The following RASGRP3 variants were observed in gnomAD, a reference collection of about 807,000 sequenced individuals.
The protein encoded by RASGRP3 is ras guanyl-releasing protein 3.
In RASGRP3, 54 loss-of-function variants were observed where a neutral mutation model predicts 82.7. That is an observed-to-expected ratio of 0.65 (90% confidence interval 0.52 to 0.82). The LOEUF is 0.82. Among genes scored for constraint, RASGRP3 ranks in the 40% least tolerant of loss-of-function variants. The probability of loss-of-function intolerance (pLI) is 0.00; values close to 1 mark genes in which losing one functional copy is unlikely to be tolerated. For synonymous variants in RASGRP3, 309 were observed against 300.5 expected, an observed-to-expected ratio of 1.03 and a Z score of -0.29; for missense variants, 861 against 828.9, an observed-to-expected ratio of 1.04 and a Z score of -0.48.
chr2:33,560,841 C>T (rs1005686386), intron 17 of RASGRP3, among the ~76,000 whole-genome samples: 2 of 152,202 alleles, frequency 1.3e-5, no homozygotes, highest in Non-Finnish European at 2.9e-5. Flanking sequence ...TACTATTGGC[C>T]TCTCACAGTT....
intron 1 of RASGRP3, among the ~76,000 whole-genome samples, chr2:33,488,193 C>G (rs1668556679): frequency 6.6e-6 from 1 of 152,182 alleles, no homozygotes; most frequent in African/African-American, 2.4e-5. Context: ...TACAAAACAG[C>G]CTTTGAGTAA....
Position 33,540,556 on chromosome 2 carries a change from T to TTGTGTGTG in RASGRP3, c.1278+1388_1278+1395dup, listed in dbSNP as rs377215232. Among the ~76,000 whole-genome samples, 50 of 38,650 alleles carry TTGTGTGTG rather than the reference T, an allele frequency of 1.3e-3. 1 individual carries two copies. Among genetic ancestry groups the TTGTGTGTG allele is most frequent in the African/African-American group, 4.1e-3 (25 of 6,088 alleles). The allele number at this position is 38,650 out of a possible 152,430, so 25.4% of individuals were successfully genotyped here. A position where few individuals can be genotyped will look rare whatever the true frequency, so the allele number is the denominator to read the frequency against. On this transcript the variant is annotated intron_variant, in intron 12 of 17. Transcript: ENST00000403687. ...CTCTCTCTCTCTCTGTGTGTGTGTT[T>TTGTGTGTG]TGTGTGTGTGTGTGTGTGTGTGTGT...
In RASGRP3 at chr2:33,485,628, G is replaced by A. The variant is rs150280771; in HGVS notation, c.-261+8921G>A. ...TTTTATAAGAAGTGACATAATATTG[G>A]CACCAAGAGGGACAATCATATTCAT... On this transcript the variant is annotated intron_variant, in intron 1 of 17. Transcript: ENST00000403687. Among the ~76,000 whole-genome samples the A allele has an allele frequency of 3.2e-4, 48 of 152,292 alleles. 1 individual carries two copies. In the East Asian group the frequency reaches 4.0e-3, roughly 13 times the overall value.
intron 11 of RASGRP3, among the ~76,000 whole-genome samples, 152 bp from the exon 12 acceptor site, chr2:33,538,942 G>A (rs1293235998): frequency 6.6e-6 from 1 of 152,164 alleles, no homozygotes; most frequent in Admixed American, 6.5e-5. Flanking sequence ...GGGAGGCTGA[G>A]GTGGAAGGAT....
At chr2:33,521,804 A>T in intron 6 of RASGRP3, 151 bp from the exon 7 acceptor site, 1 of 929,122 alleles carries the variant, frequency 1.1e-6, no homozygotes. Context: ...GCAACTGGTC[A>T]GTGGTTTTCT....
At chr2:33,524,626 T>C in intron 9 of RASGRP3, 78 bp downstream of exon 9, 1 of 1,104,952 alleles carries the variant, frequency 9.1e-7, no homozygotes, top group South Asian at 1.5e-5. Flanking sequence ...GCCTAACAAA[T>C]GTCACTCAGA....
rs1410647254 is a variant in RASGRP3 at position 33,562,914 on chromosome 2, C to G, written c.*177C>G. 1.7e-6 allele frequency: 1 copy of G among 572,298 alleles called. No individual in the cohort carries two copies. The highest frequency in any genetic ancestry group is 3.2e-5 in the East Asian group (1 of 31,338). The allele number at this position is 572,298 out of a possible 1,614,324, so 35.5% of individuals were successfully genotyped here. A position where few individuals can be genotyped will look rare whatever the true frequency, so the allele number is the denominator to read the frequency against. ...CTATGGGACAGAGAATTGACCCTAA[C>G]TAACTAACTATGAACTATTTATTTC... On this transcript the variant is annotated 3_prime_UTR_variant, in exon 18 of 18. Coordinates refer to ENST00000403687, the MANE Select transcript of RASGRP3 (RefSeq NM_001139488.2).
intron 2 of RASGRP3, among the ~76,000 whole-genome samples, chr2:33,461,635 C>G (rs541977308): frequency 3.2e-4 from 48 of 152,330 alleles, no homozygotes; most frequent in African/African-American, 8.9e-4. Context: ...GCCTTATGAT[C>G]TACAAATAAG....
At chr2:33,464,849 TAA>T (rs1391432457) in intron 2 of RASGRP3, among the ~76,000 whole-genome samples, 2 of 152,184 alleles carry the variant, frequency 1.3e-5, no homozygotes, top group Non-Finnish European at 2.9e-5. Context: ...CTGGCAAACT[TAA>T]TCAATAAATG....
At chr2:33,496,361 C>T (rs917246038) in intron 1 of RASGRP3, among the ~76,000 whole-genome samples, 12 of 152,262 alleles carry the variant, frequency 7.9e-5, no homozygotes, top group African/African-American at 2.2e-4. Context: ...ATACAGAATG[C>T]GTGATTTTAT....
At chr2:33,446,382 C>T (rs540231374) in intron 1 of RASGRP3, among the ~76,000 whole-genome samples, 2 of 152,252 alleles carry the variant, frequency 1.3e-5, no homozygotes, top group Admixed American at 6.5e-5. Context: ...TGGTCTCGAT[C>T]TCCTGACCTC....
chr2:33,468,511 C>G (rs961900203), intron 2 of RASGRP3, among the ~76,000 whole-genome samples: 2 of 152,072 alleles, frequency 1.3e-5, no homozygotes, highest in East Asian at 3.9e-4. Context: ...AAGCGATTCT[C>G]CTGCCTCAGC....
At chr2:33,438,562 CAAAAAA>C (rs57229316) in intron 1 of RASGRP3, among the ~76,000 whole-genome samples, 1 of 128,476 alleles carries the variant, frequency 7.8e-6, no homozygotes. Context: ...ACTCCATCGC[CAAAAAA>C]AAAAAAAAAA....
intron 10 of RASGRP3, among the ~76,000 whole-genome samples, chr2:33,531,511 T>C (rs17013217): frequency 0.016 from 2,467 of 152,294 alleles, 71 homozygotes; most frequent in African/African-American, 0.056. Flanking sequence ...GTGCATTGAC[T>C]GGAAGCCAAA....
At chr2:33,511,111 C>T (rs982400871) in intron 1 of RASGRP3, among the ~76,000 whole-genome samples, 1 of 152,060 alleles carries the variant, frequency 6.6e-6, no homozygotes, top group Non-Finnish European at 1.5e-5. Context: ...TAATTCAAAC[C>T]CTGGGAGAAA....
At chr2:33,507,509 A>ATCAAG (rs1182067528) in intron 1 of RASGRP3, among the ~76,000 whole-genome samples, 1 of 152,160 alleles carries the variant, frequency 6.6e-6, no homozygotes, top group Non-Finnish European at 1.5e-5. Context: ...AATATTTTGG[A>ATCAAG]TCAAGTCAAA....
intron 13 of RASGRP3, 89 bp from the exon 14 acceptor site, chr2:33,549,515 A>T (rs1307996639): frequency 7.6e-7 from 1 of 1,317,588 alleles, no homozygotes; most frequent in African/African-American, 1.5e-5. Flanking sequence ...TTTGGCCACA[A>T]AGGTTTGGGA....
At chr2:33,447,208 AT>A (rs1212265104) in intron 1 of RASGRP3, among the ~76,000 whole-genome samples, 2 of 151,896 alleles carry the variant, frequency 1.3e-5, no homozygotes, top group Non-Finnish European at 2.9e-5. Context: ...CCACTGGTTG[AT>A]TTCACAAAAC....
chr2:33,512,988 G>GACT (rs2151004324), intron 2 of RASGRP3, among the ~76,000 whole-genome samples: 1 of 152,336 alleles, frequency 6.6e-6, no homozygotes, highest in South Asian at 2.1e-4. Context: ...TGCCAAGTGA[G>GACT]AGGTGGGTGA....
Sources: allele counts gnomAD v4.1 joint callset (sites outside exome capture counted in the v4.1 genomes callset), GRCh38; gene constraint gnomAD v4.1.1; transcripts MANE v1.5; gene names NCBI Gene and HGNC (gene_info 2026-07-23, HGNC 2026-07-21).